The following PIGB variants were observed in gnomAD, a reference collection of about 807,000 sequenced individuals.
PIGB encodes the protein phosphatidylinositol glycan anchor biosynthesis class B, also known as GPI alpha-1,2-mannosyltransferase 3.
Under a neutral mutation model 68.4 loss-of-function variants are expected in PIGB, and 58 were observed. The observed-to-expected ratio is 0.85, with a 90% CI of 0.69 to 1.06. The LOEUF (loss-of-function observed/expected upper bound fraction) is 1.06, where lower values mean the gene tolerates loss of function less well. Ranked by LOEUF, PIGB falls within the 50% of genes least tolerant of loss-of-function variation. PIGB has a pLI of 0.00. For missense variants in PIGB, 634 were observed against 655.8 expected, an observed-to-expected ratio of 0.97 and a Z score of 0.36; for synonymous variants, 219 against 220.5, an observed-to-expected ratio of 0.99 and a Z score of 0.06.
intron 10 of PIGB, among the ~76,000 whole-genome samples, chr15:55,352,089 C>G (rs1245855753): frequency 6.6e-6 from 1 of 151,210 alleles, no homozygotes; most frequent in East Asian, 2.0e-4. Context: ...GCTAAGATTA[C>G]AGGAATGTGC....
In PIGB at chr15:55,322,185, C is replaced by CA. The variant is rs200986097; in HGVS notation, c.417+802dup. On this transcript the variant is annotated intron_variant, in intron 3 of 11. Coordinates refer to ENST00000164305, the MANE Select transcript of PIGB (RefSeq NM_004855.5). ...GCGAAACTCCTTCCCCCATCCCCCGCAAAAAAAGTATCACTTGAGAGCACC... is the reference window on the plus strand; with the variant it reads ...GCGAAACTCCTTCCCCCATCCCCCGCAAAAAAAAGTATCACTTGAGAGCACC... Among the ~76,000 whole-genome samples, 511 of 151,750 alleles carry CA rather than the reference C, an allele frequency of 3.4e-3. 1 individual carries two copies. Among genetic ancestry groups the CA allele is most frequent in the African/African-American group, 0.011 (459 of 41,392 alleles).
chr15:55,348,034 G>C (rs1001963172), intron 9 of PIGB, among the ~76,000 whole-genome samples: 2 of 146,446 alleles, frequency 1.4e-5, no homozygotes, highest in Non-Finnish European at 3.0e-5. Flanking sequence ...CTGTCACCAG[G>C]CTGGAGTGCA....
rs371775367 is a variant in PIGB, at chr15:55,355,376, A to G, written c.1609A>G (p.Ile537Val). Reference protein sequence around the residue: ...HLPEGRIGSHIYVYERKLKGK... With the variant: ...HLPEGRIGSHVYVYERKLKGK... ...GCCAGAGGGTCGAATTGGAAGTCAC[A>G]TATATGTCTATGAACGGAAGTTAAA... The change falls in exon 12 of 12, where the codon ATA becomes GTA. Residue 537 changes from isoleucine to valine, a missense_variant. Transcript: ENST00000164305. The G allele has an allele frequency of 5.6e-6, 9 of 1,611,628 alleles. No homozygotes were observed. The African/African-American group carries it at 8.0e-5, about 14-fold the overall frequency.
intron 7 of PIGB, among the ~76,000 whole-genome samples, chr15:55,339,527 C>T (rs1477671596): frequency 6.6e-6 from 1 of 152,152 alleles, no homozygotes; most frequent in Non-Finnish European, 1.5e-5. Flanking sequence ...CATTTTAAGG[C>T]AGGGAATTAT....
chr15:55,333,974 T>G lies in PIGB; in HGVS notation c.761T>G (p.Leu254Arg). 6.2e-7 allele frequency: 1 copy of G among 1,606,504 alleles called. No homozygotes were observed. The highest frequency in any genetic ancestry group is 1.3e-5 in the African/African-American group (1 of 74,674). Residue 254 changes from leucine (L) to arginine (R), a missense_variant, in exon 6 of 12, where the codon CTT (leucine) becomes CGT (arginine). Physicochemically the swap from Leu to Arg is moderately radical, Grantham distance 102. Coordinates refer to ENST00000164305, the MANE Select transcript of PIGB (RefSeq NM_004855.5). Reference protein sequence around the residue: ...FRHFCQEPRKLDLILHHFLPV... With the variant: ...FRHFCQEPRKRDLILHHFLPV... ...CATTTCTGTCAAGAACCAAGAAAGC[T>G]TGATCTTATTCTACATCATTTTTTA...
chr15:55,330,516 C>T (rs1172103431), intron 5 of PIGB, among the ~76,000 whole-genome samples: 1 of 152,056 alleles, frequency 6.6e-6, no homozygotes, highest in Non-Finnish European at 1.5e-5. Flanking sequence ...AAATGGGCTC[C>T]ATTTACAGTT....
intron 6 of PIGB, among the ~76,000 whole-genome samples, chr15:55,336,863 G>T (rs1332396979): frequency 1.3e-5 from 2 of 152,186 alleles, no homozygotes; most frequent in Non-Finnish European, 2.9e-5. Flanking sequence ...TGTGGCACAT[G>T]CCTATAATCC....
intron 9 of PIGB, chr15:55,350,423 C>T (rs929707109): frequency 4.2e-5 from 17 of 405,982 alleles, no homozygotes; most frequent in East Asian, 2.2e-4. Context: ...CAAAGTAAAA[C>T]GACTTGTGCT....
chr15:55,342,909 T>G (rs879784834), intron 9 of PIGB, among the ~76,000 whole-genome samples: 1 of 152,112 alleles, frequency 6.6e-6, no homozygotes, highest in Admixed American at 6.6e-5. Context: ...ACTGTTGACT[T>G]CCTTCAAATA....
intron 8 of PIGB, 57 bp downstream of exon 8, chr15:55,340,880 T>A: frequency 8.8e-7 from 1 of 1,130,884 alleles, no homozygotes; most frequent in Non-Finnish European, 1.3e-6. Flanking sequence ...GAAATCAAAT[T>A]AAATTCTTCA....
At chr15:55,346,323 A>G (rs1182044560) in intron 9 of PIGB, 1 of 152,244 alleles carries the variant, frequency 6.6e-6, no homozygotes. Context: ...TTTCTGTAAC[A>G]GTAGTCTGAT....
chr15:55,348,605 CT>C, intron 9 of PIGB: 1 of 167,158 alleles, frequency 6.0e-6, no homozygotes, highest in Non-Finnish European at 1.3e-5. Flanking sequence ...AGCCTGGCAC[CT>C]TCCACTTTCT....
At chr15:55,339,144 T>C (rs1453674305) in intron 6 of PIGB, 123 bp from the exon 7 acceptor site, 1 of 678,906 alleles carries the variant, frequency 1.5e-6, no homozygotes. Flanking sequence ...CTATATTCAG[T>C]TGGTGAAACT....
chr15:55,340,463 A>AC (rs2055643893), intron 7 of PIGB, 149 bp from the exon 8 acceptor site: 1 of 497,040 alleles, frequency 2.0e-6, no homozygotes, highest in Admixed American at 3.7e-5. Context: ...CTTAAAAAAA[A>AC]AAAAAAAAAA....
chr15:55,326,834 A>G (rs998802624), intron 3 of PIGB, among the ~76,000 whole-genome samples: 13 of 152,300 alleles, frequency 8.5e-5, no homozygotes, highest in African/African-American at 3.1e-4. Flanking sequence ...GATACGTCTC[A>G]TAAAAATAAA....
At chr15:55,351,597 C>A (rs186515780) in intron 10 of PIGB, 1 of 151,566 alleles carries the variant, frequency 6.6e-6, no homozygotes, top group Non-Finnish European at 1.5e-5. Flanking sequence ...TTAGGCCGGG[C>A]GCCGTGGCTC....
intron 9 of PIGB, among the ~76,000 whole-genome samples, chr15:55,347,169 C>T (rs1364169314): frequency 6.6e-6 from 1 of 152,254 alleles, no homozygotes; most frequent in African/African-American, 2.4e-5. Context: ...CGCTGTGGCT[C>T]ACGCCTGTAA....
intron 9 of PIGB, among the ~76,000 whole-genome samples, chr15:55,346,144 C>T (rs1024025160): frequency 2.6e-5 from 4 of 152,116 alleles, no homozygotes; most frequent in Admixed American, 2.0e-4. Flanking sequence ...CAGAATGCCA[C>T]GCTAGATATC....
At chr15:55,332,639 C>G (rs1440601389) in intron 5 of PIGB, among the ~76,000 whole-genome samples, 1 of 152,142 alleles carries the variant, frequency 6.6e-6, no homozygotes, top group Non-Finnish European at 1.5e-5. Context: ...TCCCAAAGTG[C>G]TGGGATTGCA....
Sources: allele counts gnomAD v4.1 joint callset (sites outside exome capture counted in the v4.1 genomes callset), GRCh38; gene constraint gnomAD v4.1.1; transcripts MANE v1.5; gene names NCBI Gene and HGNC (gene_info 2026-07-23, HGNC 2026-07-21).